EYS: variants seen among roughly 807,000 people sequenced by gnomAD.
The protein encoded by EYS is protein eyes shut homolog.
A neutral mutation model predicts 282.1 loss-of-function variants in EYS; 250 were observed. That is an observed-to-expected ratio of 0.89 (90% CI 0.80 to 0.98). The LOEUF is 0.98. Among genes scored for constraint, EYS ranks in the 50% least tolerant of loss-of-function variants. The pLI is 0.00. For synonymous variants in EYS, 1,355 were observed against 1,282.9 expected (o/e 1.06, Z -1.20); for missense variants, 4,016 against 3,709.0 (o/e 1.08, Z -2.15).
intron 36 of EYS, among the ~76,000 whole-genome samples, chr6:63,844,409 T>C (rs1772044658): frequency 6.6e-6 from 1 of 152,200 alleles, no homozygotes; most frequent in African/African-American, 2.4e-5. Context: ...TTTCTGCCTC[T>C]AAGTCTTTGA....
intron 26 of EYS, among the ~76,000 whole-genome samples, chr6:64,530,465 A>G (rs975307258): frequency 6.6e-6 from 1 of 152,062 alleles, no homozygotes; most frequent in Non-Finnish European, 1.5e-5. Flanking sequence ...GGTGATAAAT[A>G]TTTTCCAGAA....
At chr6:63,881,862 G>T (rs1413465030) in intron 35 of EYS, among the ~76,000 whole-genome samples, 2 of 152,122 alleles carry the variant, frequency 1.3e-5, no homozygotes, top group African/African-American at 4.8e-5. Flanking sequence ...AAAAATGCAG[G>T]TCAAGCGACA....
Position 63,961,399 on chromosome 6 carries a change from G to A in EYS, c.7055+22984C>T, listed in dbSNP as rs140912541. Among the ~76,000 whole-genome samples, 41 of 151,056 alleles carry A rather than the reference G, an allele frequency of 2.7e-4. 1 individual carries two copies. The highest frequency in any genetic ancestry group is 6.8e-3 in the Middle Eastern group (2 of 292). On this transcript the variant is annotated intron_variant, in intron 35 of 42. Coordinates refer to ENST00000503581, the MANE Select transcript of EYS (RefSeq NM_001142800.2). Reference sequence around the variant, plus strand: ...TTGTGAAATTCCTTCTCCTGGCTCAGAAGCTCCCCCACTGAGCACCTTGTG... The same window carrying A: ...TTGTGAAATTCCTTCTCCTGGCTCAAAAGCTCCCCCACTGAGCACCTTGTG...
chr6:63,789,477 TA>T (rs1293621894), intron 37 of EYS, among the ~76,000 whole-genome samples: 1 of 152,174 alleles, frequency 6.6e-6, no homozygotes, highest in East Asian at 1.9e-4. Context: ...AATGATCAAC[TA>T]AAAAGTTGAA....
chr6:64,516,229 C>A (rs537233055), intron 26 of EYS, among the ~76,000 whole-genome samples: 1 of 149,814 alleles, frequency 6.7e-6, no homozygotes, highest in East Asian at 2.0e-4. Context: ...AGGCTTAATA[C>A]CTGTAGGATG....
chr6:64,963,665 C>T (rs1277382234), intron 14 of EYS, among the ~76,000 whole-genome samples: 1 of 152,112 alleles, frequency 6.6e-6, no homozygotes, highest in East Asian at 1.9e-4. Flanking sequence ...ACAATTTTAG[C>T]TATTCGTAGT....
intron 2 of EYS, among the ~76,000 whole-genome samples, chr6:65,603,203 G>C (rs2149791021): frequency 6.6e-6 from 1 of 151,984 alleles, no homozygotes; most frequent in East Asian, 1.9e-4. Flanking sequence ...ATCTGAAAGA[G>C]ACAGACAAAT....
intron 32 of EYS, among the ~76,000 whole-genome samples, chr6:64,077,200 T>C (rs1448852162): frequency 6.6e-6 from 1 of 152,012 alleles, no homozygotes. Context: ...AAGAATTTTA[T>C]GGTACACACA....
At chr6:65,008,248 G>A (rs1771748715) in intron 13 of EYS, among the ~76,000 whole-genome samples, 1 of 152,134 alleles carries the variant, frequency 6.6e-6, no homozygotes, top group Admixed American at 6.5e-5. Context: ...ACTAAGGGAG[G>A]CGTTGAGGAA....
intron 5 of EYS, among the ~76,000 whole-genome samples, chr6:65,427,496 G>T (rs1474546248): frequency 6.6e-6 from 1 of 151,770 alleles, no homozygotes; most frequent in Non-Finnish European, 1.5e-5. Flanking sequence ...GTTTTCAATA[G>T]CCTATTAATG....
At chr6:64,899,868 GA>G (rs998387235) in intron 18 of EYS, among the ~76,000 whole-genome samples, 5 of 150,378 alleles carry the variant, frequency 3.3e-5, no homozygotes, top group African/African-American at 7.3e-5. Flanking sequence ...CACATTATTA[GA>G]AAAAAAAACT....
chr6:65,061,449 A>T (rs1444003810), intron 12 of EYS, among the ~76,000 whole-genome samples: 1 of 151,856 alleles, frequency 6.6e-6, no homozygotes, highest in Non-Finnish European at 1.5e-5. Context: ...GATTTCCCAT[A>T]TACTCACTCC....
chr6:65,105,054 G>T (rs1774995561), intron 12 of EYS, among the ~76,000 whole-genome samples: 1 of 151,038 alleles, frequency 6.6e-6, no homozygotes, highest in Non-Finnish European at 1.5e-5. Context: ...TTTTTCCATG[G>T]TTAAAAAAAC....
intron 33 of EYS, among the ~76,000 whole-genome samples, chr6:64,025,480 TCTCTGAGGTTAGTCCTC>T (rs1330374040): frequency 6.6e-6 from 1 of 152,198 alleles, no homozygotes; most frequent in Non-Finnish European, 1.5e-5. Context: ...TCGCCTCTCT[TCTCTGAGGTTAGTCCTC>T]CTTCTAAAAA....
chr6:64,985,747 T>G (rs1430624672), intron 14 of EYS, among the ~76,000 whole-genome samples: 7 of 151,588 alleles, frequency 4.6e-5, no homozygotes, highest in Non-Finnish European at 8.9e-5. Flanking sequence ...TTTGGACATC[T>G]GTATTTTTGT....
chr6:64,042,404 C>A (rs149095483), intron 33 of EYS, among the ~76,000 whole-genome samples: 2 of 152,220 alleles, frequency 1.3e-5, no homozygotes, highest in East Asian at 1.9e-4. Context: ...ATAAGTATGC[C>A]CTGCTCTATT....
chr6:64,400,113 T>C (rs2150435539), intron 28 of EYS, among the ~76,000 whole-genome samples: 1 of 152,096 alleles, frequency 6.6e-6, no homozygotes, highest in African/African-American at 2.4e-5. Context: ...TATTTATAGA[T>C]ATATTGCATT....
At chr6:65,631,259 G>A (rs1047338471) in intron 2 of EYS, among the ~76,000 whole-genome samples, 5 of 152,130 alleles carry the variant, frequency 3.3e-5, no homozygotes, top group African/African-American at 1.2e-4. Context: ...TGCACTTCCT[G>A]AATTCTGTCT....
chr6:64,932,284 C>T (rs888298196), intron 15 of EYS, among the ~76,000 whole-genome samples: 4 of 151,970 alleles, frequency 2.6e-5, no homozygotes, highest in African/African-American at 9.7e-5. Flanking sequence ...AGACCCTTCC[C>T]AAGGAATGTC....
Sources: gnomAD v4.1 joint callset for allele counts (sites outside exome capture counted in the v4.1 genomes callset) on GRCh38, gnomAD v4.1.1 for gene constraint, MANE v1.5 for transcripts, NCBI Gene and HGNC (gene_info 2026-07-23, HGNC 2026-07-21) for gene names.